HDAC2: variants seen among roughly 807,000 people sequenced by gnomAD.
The protein encoded by HDAC2 is YY1-associated factor 1.
HDAC2 carries 5 observed loss-of-function variants against 68.5 expected under a neutral mutation model. The ratio of observed to expected loss-of-function variants is 0.07; its 90% confidence interval spans 0.04 to 0.15. The LOEUF is 0.15. Ranked by LOEUF, HDAC2 falls within the 10% of genes least tolerant of loss-of-function variation. The probability of loss-of-function intolerance (pLI) is 1.00; values close to 1 mark genes in which losing one functional copy is unlikely to be tolerated. For synonymous variants in HDAC2, 182 were observed against 191.3 expected, an observed-to-expected ratio of 0.95 and a Z score of 0.40; for missense variants, 291 against 600.8, an observed-to-expected ratio of 0.48 and a Z score of 5.39.
At chr6:113,959,008 CCTT>C (rs1734431706) in intron 2 of HDAC2, among the ~76,000 whole-genome samples, 1 of 152,094 alleles carries the variant, frequency 6.6e-6, no homozygotes, top group African/African-American at 2.4e-5. Flanking sequence ...TTTAATCACT[CCTT>C]ATTTTAGTGG....
At chr6:113,956,320 C>A in intron 4 of HDAC2, 169 bp from the exon 5 acceptor site, 1 of 592,378 alleles carries the variant, frequency 1.7e-6, no homozygotes, top group Non-Finnish European at 2.9e-6. Flanking sequence ...GAAAAATATT[C>A]TCCTAGAGCT....
At chr6:113,950,276 TTC>T (rs1252294964) in intron 6 of HDAC2, among the ~76,000 whole-genome samples, 11 of 152,180 alleles carry the variant, frequency 7.2e-5, no homozygotes, top group Non-Finnish European at 2.9e-5. Flanking sequence ...GCATATGCAT[TTC>T]TGTGTGTGTA....
At chr6:113,954,686 T>C (rs1033932808) in intron 5 of HDAC2, among the ~76,000 whole-genome samples, 10 of 152,268 alleles carry the variant, frequency 6.6e-5, no homozygotes, top group Non-Finnish European at 1.3e-4. Context: ...GTTACACTGA[T>C]ACTGCTCAAT....
At chr6:113,947,283 G>T (rs986156156) in intron 8 of HDAC2, 7 of 151,946 alleles carry the variant, frequency 4.6e-5, no homozygotes, top group Non-Finnish European at 1.5e-5. Context: ...TTTTTTAAAG[G>T]CCAAAATTTG....
Position 113,937,007 on chromosome 6 carries a change from A to T in HDAC2, c.*4051T>A, listed in dbSNP as rs985726115. ...ACTCTTTCAAAAAAAAAAGAAAAAAAAATAGCAGCTAACCCTTACTGAGCA... is the reference window on the plus strand; with the variant it reads ...ACTCTTTCAAAAAAAAAAGAAAAAATAATAGCAGCTAACCCTTACTGAGCA... On this transcript the variant is annotated 3_prime_UTR_variant, in exon 14 of 14. Coordinates refer to ENST00000519065, the MANE Select transcript of HDAC2 (RefSeq NM_001527.4). 3.9e-5 allele frequency: 6 copies of T among 152,124 alleles called. No individual in the cohort carries two copies. The highest frequency in any genetic ancestry group is 1.4e-4 in the African/African-American group (6 of 41,414). 9.4% of individuals were successfully genotyped at this position (152,124 alleles called of 1,614,324 possible).
intron 6 of HDAC2, among the ~76,000 whole-genome samples, chr6:113,950,466 G>A (rs910247394): frequency 2.6e-5 from 4 of 151,578 alleles, no homozygotes; most frequent in Admixed American, 2.6e-4. Context: ...CTGCACTCCA[G>A]TGAGCCAAGA....
chr6:113,960,346 T>G (rs1776653356), intron 1 of HDAC2, among the ~76,000 whole-genome samples: 6 of 152,068 alleles, frequency 3.9e-5, no homozygotes, highest in Admixed American at 3.9e-4. Context: ...TCTGGCAAAT[T>G]CACATGCTTT....
At chr6:113,948,227 TCCA>T (rs970944823) in intron 8 of HDAC2, 3 of 152,024 alleles carry the variant, frequency 2.0e-5, no homozygotes, top group African/African-American at 7.3e-5. Context: ...CAGAAGGCAC[TCCA>T]CCAAAACATG....
At chr6:113,955,820 A>G (rs1776539899) in intron 5 of HDAC2, 193 bp downstream of exon 5, 3 of 513,110 alleles carry the variant, frequency 5.8e-6, no homozygotes, top group African/African-American at 4.0e-5. Context: ...CACACTTCTA[A>G]GTCTTAATAA....
intron 1 of HDAC2, among the ~76,000 whole-genome samples, chr6:113,961,084 CTG>C (rs1776672821): frequency 6.6e-6 from 1 of 152,128 alleles, no homozygotes; most frequent in Non-Finnish European, 1.5e-5. Flanking sequence ...ATTTTGCTAT[CTG>C]TGGAAGTCTT....
intron 12 of HDAC2, 57 bp downstream of exon 12, chr6:113,943,294 G>T (rs761489162): frequency 8.0e-5 from 112 of 1,402,586 alleles, no homozygotes; most frequent in Non-Finnish European, 1.1e-4. Context: ...ACATTATAAT[G>T]CAGCCCAATT....
In HDAC2 at chr6:113,937,500, G is replaced by C. The variant is rs1776029174; in HGVS notation, c.*3558C>G. 1.3e-5 allele frequency: 2 copies of C among 152,184 alleles called. No homozygotes were observed. The highest frequency in any genetic ancestry group is 4.1e-4 in the South Asian group (2 of 4,832). The allele number at this position is 152,184 out of a possible 1,614,324, so 9.4% of individuals were successfully genotyped here. A position where few individuals can be genotyped will look rare whatever the true frequency, so the allele number is the denominator to read the frequency against. ...TTAAATGAATTAAAGAGCTTTACTT[G>C]AGTTAATATCTTAGTTTACCAAACC... On this transcript the variant is annotated 3_prime_UTR_variant, in exon 14 of 14. Transcript: ENST00000519065.
At chr6:113,950,844 A>T (rs993443687) in intron 6 of HDAC2, among the ~76,000 whole-genome samples, 3 of 152,140 alleles carry the variant, frequency 2.0e-5, no homozygotes, top group African/African-American at 7.2e-5. Context: ...CAAAAGCAAA[A>T]TTTACCCTCA....
intron 4 of HDAC2, 142 bp downstream of exon 4, chr6:113,956,477 A>G: frequency 1.6e-6 from 1 of 642,988 alleles, no homozygotes; most frequent in Non-Finnish European, 2.7e-6. Context: ...TTTGAAAGTA[A>G]ATTGTACTTT....
chr6:113,939,480 T>G lies in HDAC2; in HGVS notation c.*1578A>C, dbSNP rs570548253. On this transcript the variant is annotated 3_prime_UTR_variant, in exon 14 of 14. Coordinates refer to ENST00000519065, the MANE Select transcript of HDAC2 (RefSeq NM_001527.4). ...AAATAAAAAAAGCAAAGTTACAGAA[T>G]TGTCCAAATACATACCATCTATGTT... 3.9e-5 allele frequency: 6 copies of G among 152,190 alleles called. No homozygotes were observed. Among genetic ancestry groups the G allele is most frequent in the African/African-American group, 1.4e-4 (6 of 41,448 alleles). 9.4% of individuals were successfully genotyped at this position (152,190 alleles called of 1,614,324 possible).
At chr6:113,951,417 G>A (rs963439846) in intron 6 of HDAC2, among the ~76,000 whole-genome samples, 1 of 151,614 alleles carries the variant, frequency 6.6e-6, no homozygotes, top group African/African-American at 2.4e-5. Flanking sequence ...AAGTTATGGG[G>A]ACATGCTTAA....
At chr6:113,946,723 A>G (rs1278029645) in intron 8 of HDAC2, 2 of 152,104 alleles carry the variant, frequency 1.3e-5, no homozygotes, top group Non-Finnish European at 2.9e-5. Flanking sequence ...CCTAACATAA[A>G]AGTAAATATT....
rs1776060654 is a variant in HDAC2, at chr6:113,938,686, T to TTAAA, written c.*2371_*2372insTTTA. 6.6e-6 allele frequency: 1 copy of TTAAA among 152,210 alleles called. No individual in the cohort carries two copies. The highest frequency in any genetic ancestry group is 1.5e-5 in the Non-Finnish European group (1 of 68,030). 9.4% of individuals were successfully genotyped at this position (152,210 alleles called of 1,614,324 possible). Reference sequence around the variant, plus strand: ...AATTTTTTAAAGTATTAGGGTATTCTGACATCTTACTATGTTACATTGACC... The same window carrying TTAAA: ...AATTTTTTAAAGTATTAGGGTATTCTTAAAGACATCTTACTATGTTACATTGACC... On this transcript the variant is annotated 3_prime_UTR_variant, in exon 14 of 14. Transcript: ENST00000519065.
Position 113,934,054 on chromosome 6 carries a change from TTAAA to T in HDAC2, c.*7000_*7003del, listed in dbSNP as rs1775947189. ...AAACTGAATTTCTACGGGTAAATGT[TTAAA>T]TATGAGAAAAAAGTTGACTTTAGAA... On this transcript the variant is annotated 3_prime_UTR_variant, in exon 14 of 14. Transcript: ENST00000519065. 1 of 152,112 alleles carries T rather than the reference TTAAA, an allele frequency of 6.6e-6. No homozygotes were observed. The highest frequency in any genetic ancestry group is 6.5e-5 in the Admixed American group (1 of 15,272). 9.4% of individuals were successfully genotyped at this position (152,112 alleles called of 1,614,324 possible). A position where few individuals can be genotyped will look rare whatever the true frequency, so the allele number is the denominator to read the frequency against.
Sources: gnomAD v4.1 joint callset for allele counts (sites outside exome capture counted in the v4.1 genomes callset) on GRCh38, gnomAD v4.1.1 for gene constraint, MANE v1.5 for transcripts, NCBI Gene and HGNC (gene_info 2026-07-23, HGNC 2026-07-21) for gene names.